RGS20: variants seen among roughly 807,000 people sequenced by gnomAD.
The protein encoded by RGS20 is regulator of G protein signaling 20.
In RGS20, 30 loss-of-function variants were observed where a neutral mutation model predicts 33.6. That is an observed-to-expected ratio of 0.89 (90% CI 0.67 to 1.21). The LOEUF (loss-of-function observed/expected upper bound fraction) is 1.21, where lower values mean the gene tolerates loss of function less well. RGS20 is among the 50% of genes most tolerant of loss of function. The pLI is 0.00. For synonymous variants in RGS20, 208 were observed against 197.9 expected (o/e 1.05, Z -0.43); for missense variants, 472 against 502.4 (o/e 0.94, Z 0.58).
At chr8:53,884,355 C>G (rs1345633151) in intron 2 of RGS20, among the ~76,000 whole-genome samples, 1 of 152,008 alleles carries the variant, frequency 6.6e-6, no homozygotes, top group Non-Finnish European at 1.5e-5. Flanking sequence ...GCCACCGCAC[C>G]TGGCTAATTT....
intron 2 of RGS20, among the ~76,000 whole-genome samples, chr8:53,929,184 G>T (rs1813885293): frequency 6.6e-6 from 1 of 152,158 alleles, no homozygotes; most frequent in South Asian, 2.1e-4. Context: ...CAAGAAGCAG[G>T]GTTTTGAGAA....
chr8:53,868,943 G>GA (rs767426386), intron 1 of RGS20, among the ~76,000 whole-genome samples: 72 of 152,184 alleles, frequency 4.7e-4, no homozygotes, highest in Non-Finnish European at 7.9e-4. Flanking sequence ...AGTAGAGAAG[G>GA]GGTTTCACCA....
rs867948380 is a variant in RGS20 at position 53,879,197 on chromosome 8, T to C, written c.166-61T>C. 57 of 1,408,704 alleles carry C rather than the reference T, an allele frequency of 4.0e-5. No homozygotes were observed. In the African/African-American group the frequency reaches 6.6e-4, roughly 16 times the overall value. The allele number at this position is 1,408,704 out of a possible 1,614,324, so 87.3% of individuals were successfully genotyped here. Reference sequence around the variant, plus strand: ...CAAAATTCTGTAGTAAAGAGCCCCATCTAAGCGGCCGGACACCACAGTAAC... The same window carrying C: ...CAAAATTCTGTAGTAAAGAGCCCCACCTAAGCGGCCGGACACCACAGTAAC... On this transcript the variant is annotated intron_variant, in intron 1 of 5. Coordinates refer to ENST00000297313, the MANE Select transcript of RGS20 (RefSeq NM_170587.4).
At chr8:53,867,658 T>TCTTCCTTCCTTCCTTCCTTCCTTCCTTC (rs3083109) in intron 1 of RGS20, among the ~76,000 whole-genome samples, 1 of 143,220 alleles carries the variant, frequency 7.0e-6, no homozygotes, top group African/African-American at 2.6e-5. Context: ...ACGGAAGTAG[T>TCTTCCTTCCTTCCTTCCTTCCTTCCTTC]CTTCCTTCCT....
intron 2 of RGS20, among the ~76,000 whole-genome samples, chr8:53,923,423 C>T (rs1300356359): frequency 2.0e-5 from 3 of 151,952 alleles, no homozygotes; most frequent in Admixed American, 1.3e-4. Context: ...ACTGAGACCC[C>T]GTCTTTACAA....
chr8:53,901,541 A>G (rs1563378680), intron 2 of RGS20, among the ~76,000 whole-genome samples: 1 of 152,210 alleles, frequency 6.6e-6, no homozygotes, highest in Non-Finnish European at 1.5e-5. Flanking sequence ...TGCCACTTCT[A>G]AAACATTCCT....
intron 2 of RGS20, among the ~76,000 whole-genome samples, chr8:53,922,171 A>G (rs186244600): frequency 6.6e-6 from 1 of 151,706 alleles, no homozygotes. Context: ...TGCTGTATGT[A>G]TTTTTGTGGT....
intron 2 of RGS20, among the ~76,000 whole-genome samples, chr8:53,886,794 C>T (rs1439455983): frequency 1.3e-5 from 2 of 152,192 alleles, no homozygotes; most frequent in African/African-American, 2.4e-5. Context: ...ACTAAGGACA[C>T]TGGGGACTTT....
chr8:53,942,602 T>C (rs553305739), intron 3 of RGS20, among the ~76,000 whole-genome samples: 125 of 151,992 alleles, frequency 8.2e-4, no homozygotes, highest in African/African-American at 2.7e-3. Context: ...TTCTAAAGGG[T>C]ATAGACAGGA....
Position 53,858,497 on chromosome 8 carries a change from T to A in RGS20, c.165+6433T>A, listed in dbSNP as rs565741920. ...GGATGCATATATATATACATATATA[T>A]ATATACACACACACACACATCCTTT... On this transcript the variant is annotated intron_variant, in intron 1 of 5. Coordinates refer to ENST00000297313, the MANE Select transcript of RGS20 (RefSeq NM_170587.4). Among the ~76,000 whole-genome samples, 8 of 152,004 alleles carry A rather than the reference T, an allele frequency of 5.3e-5. 1 individual carries two copies. The highest frequency in any genetic ancestry group is 3.4e-3 in the Middle Eastern group (1 of 294).
intron 2 of RGS20, among the ~76,000 whole-genome samples, chr8:53,892,805 T>C (rs1290206208): frequency 6.6e-6 from 1 of 152,240 alleles, no homozygotes; most frequent in Non-Finnish European, 1.5e-5. Context: ...TATATTTTGA[T>C]ATATTTCTAT....
intron 2 of RGS20, among the ~76,000 whole-genome samples, chr8:53,885,993 T>C (rs1320756109): frequency 6.6e-6 from 1 of 152,154 alleles, no homozygotes; most frequent in Non-Finnish European, 1.5e-5. Flanking sequence ...TAGGTCCCAA[T>C]ATGATTATAA....
chr8:53,944,392 G>A (rs1057229434), intron 3 of RGS20, among the ~76,000 whole-genome samples: 3 of 152,056 alleles, frequency 2.0e-5, no homozygotes, highest in African/African-American at 7.3e-5. Context: ...ACAAAAATTA[G>A]CTGGGTGTGG....
chr8:53,905,693 C>A (rs1415191794), intron 2 of RGS20, among the ~76,000 whole-genome samples: 3 of 152,142 alleles, frequency 2.0e-5, no homozygotes, highest in Admixed American at 6.5e-5. Context: ...AGCCACATTC[C>A]CCTGTTGCTA....
chr8:53,859,275 A>G (rs886132797), intron 1 of RGS20, among the ~76,000 whole-genome samples: 1 of 152,220 alleles, frequency 6.6e-6, no homozygotes, highest in African/African-American at 2.4e-5. Flanking sequence ...AACATTCAGT[A>G]ACTGCACAAA....
chr8:53,908,684 T>A (rs1218655752), intron 2 of RGS20, among the ~76,000 whole-genome samples: 2 of 149,682 alleles, frequency 1.3e-5, no homozygotes, highest in Admixed American at 6.7e-5. Flanking sequence ...ACACCTGTGG[T>A]CCCAGCTACT....
In RGS20 at chr8:53,901,098, C is replaced by G. The variant is rs372622428; in HGVS notation, c.510+21496C>G. ...TTTTTTTTTGAGATGGAGTCTTGCT[C>G]TATCACCCAGGCTGGAGTGCAGTGG... On this transcript the variant is annotated intron_variant, in intron 2 of 5. Transcript: ENST00000297313. 4.2e-5 allele frequency among the ~76,000 whole-genome samples: 6 copies of G among 141,920 alleles called. No individual in the cohort carries two copies. The East Asian group carries it at 8.3e-4, about 20-fold the overall frequency. 93.1% of individuals were successfully genotyped at this position (141,920 alleles called of 152,430 possible).
At chr8:53,884,635 TAGAATGA>T (rs1812487603) in intron 2 of RGS20, among the ~76,000 whole-genome samples, 1 of 152,158 alleles carries the variant, frequency 6.6e-6, no homozygotes, top group South Asian at 2.1e-4. Flanking sequence ...GGGGCCAAAA[TAGAATGA>T]AGACTTCTGA....
chr8:53,889,382 C>A (rs1367969090), intron 2 of RGS20, among the ~76,000 whole-genome samples: 1 of 51,006 alleles, frequency 2.0e-5, no homozygotes, highest in Non-Finnish European at 5.5e-5. Context: ...GCCCATTTTT[C>A]TTTTTCTTTC....
Sources: gnomAD v4.1 joint callset for allele counts (sites outside exome capture counted in the v4.1 genomes callset) on GRCh38, gnomAD v4.1.1 for gene constraint, MANE v1.5 for transcripts, NCBI Gene and HGNC (gene_info 2026-07-23, HGNC 2026-07-21) for gene names.